Variants in PIK3R1 observed in about 807,000 individuals in gnomAD.
PIK3R1 encodes phosphatidylinositol 3-kinase regulatory subunit alpha.
Under a neutral mutation model 98.0 loss-of-function variants are expected in PIK3R1, and 29 were observed. That is an observed-to-expected ratio of 0.30 (90% CI 0.22 to 0.40). PIK3R1 has a LOEUF of 0.40. Ranked by LOEUF, PIK3R1 falls within the 10% of genes least tolerant of loss-of-function variation. The probability of loss-of-function intolerance (pLI) is 1.00; values close to 1 mark genes in which losing one functional copy is unlikely to be tolerated. For synonymous variants in PIK3R1, 282 were observed against 311.8 expected (o/e 0.90, Z 1.01); for missense variants, 596 against 872.7 (o/e 0.68, Z 3.99).
chr5:68,225,047 G>A (rs1744224332), intron 1 of PIK3R1, among the ~76,000 whole-genome samples: 1 of 152,208 alleles, frequency 6.6e-6, no homozygotes, highest in African/African-American at 2.4e-5. Flanking sequence ...ATTCCATCAT[G>A]GGCGAAGCCC....
intron 1 of PIK3R1, among the ~76,000 whole-genome samples, chr5:68,224,004 A>G (rs983654293): frequency 2.0e-5 from 3 of 152,214 alleles, no homozygotes; most frequent in African/African-American, 7.2e-5. Flanking sequence ...AGGAAGTGTT[A>G]GGAAGCAGCT....
At chr5:68,234,152 A>G (rs1281381842) in intron 2 of PIK3R1, among the ~76,000 whole-genome samples, 1 of 152,246 alleles carries the variant, frequency 6.6e-6, no homozygotes, top group African/African-American at 2.4e-5. Context: ...TTTGCTTTCT[A>G]TAAATTCCTT....
intron 6 of PIK3R1, 85 bp downstream of exon 6, chr5:68,280,814 C>A: frequency 7.7e-7 from 1 of 1,295,838 alleles, no homozygotes; most frequent in Non-Finnish European, 1.1e-6. Flanking sequence ...TCTGAATATA[C>A]TACTCCAGAG....
intron 7 of PIK3R1, 194 bp from the exon 8 acceptor site, chr5:68,292,065 C>T (rs913674251): frequency 2.4e-6 from 1 of 418,784 alleles, no homozygotes; most frequent in Non-Finnish European, 4.3e-6. Context: ...TTTTCAGTTT[C>T]ATTTCTTTTT....
chr5:68,280,538 C>A lies in PIK3R1; in HGVS notation c.645C>A (p.Ser215Arg), dbSNP rs2112194518. Residue 215 changes from serine (S) to arginine (R), a missense_variant, in exon 6 of 16, where the codon AGC (serine) becomes AGA (arginine). Physicochemically the swap from Ser to Arg is moderately radical, Grantham distance 110. Around this residue, in one of 3 missense-constraint regions of PIK3R1, gnomAD observed 352 missense variants for 393.3 expected, o/e 0.90. Coordinates refer to ENST00000521381, the MANE Select transcript of PIK3R1 (RefSeq NM_181523.3). ...TTTTTAAACTTGTAGAAGTACAAAG[C>A]TCCGAAGAATATATTCAGCTATTGA... ...EMISLAPEVQ[S>R]SEEYIQLLKK... is the part of the protein sequence containing the mutation. 1 of 1,601,850 alleles carries A rather than the reference C, an allele frequency of 6.2e-7. No individual in the cohort carries two copies. Among genetic ancestry groups the A allele is most frequent in the Non-Finnish European group, 8.5e-7 (1 of 1,170,418 alleles).
At chr5:68,230,715 G>A (rs1481351293) in intron 2 of PIK3R1, among the ~76,000 whole-genome samples, 1 of 152,210 alleles carries the variant, frequency 6.6e-6, no homozygotes, top group Non-Finnish European at 1.5e-5. Context: ...GTCATGGTCA[G>A]CGAATATCCT....
chr5:68,274,958 A>G (rs1457036875), intron 4 of PIK3R1, among the ~76,000 whole-genome samples: 8 of 152,234 alleles, frequency 5.3e-5, no homozygotes, highest in Non-Finnish European at 1.0e-4. Flanking sequence ...TCAGAGGTAT[A>G]ATTGTACAAA....
chr5:68,260,372 G>A (rs1037907607), intron 2 of PIK3R1, among the ~76,000 whole-genome samples: 7 of 129,350 alleles, frequency 5.4e-5, no homozygotes, highest in Non-Finnish European at 1.0e-4. Flanking sequence ...AGCTAATTTT[G>A]CTTGGACTCT....
At chr5:68,241,982 A>G (rs1170393222) in intron 2 of PIK3R1, among the ~76,000 whole-genome samples, 2 of 152,256 alleles carry the variant, frequency 1.3e-5, no homozygotes, top group African/African-American at 4.8e-5. Context: ...CATGTATCAA[A>G]TCAGAGACTT....
At chr5:68,273,763 C>G in intron 3 of PIK3R1, 176 bp from the exon 4 acceptor site, 1 of 646,002 alleles carries the variant, frequency 1.5e-6, no homozygotes. Flanking sequence ...GATGGTTTTG[C>G]CAAAATTATC....
In PIK3R1 at chr5:68,273,991, A is replaced by G. The variant is rs749608194; in HGVS notation, c.480A>G (p.Glu160=). ...CACAGAGCTCCAGCAACCTGGCAGA[A>G]TTACGACAGCTTCTTGATTGTGGTG... ...YRTQSSSNLA[E]LRQLLDCDTP... is the part of the protein sequence containing the mutation. Residue 160 remains glutamate, a synonymous_variant, in exon 4 of 16, where the codon GAA becomes GAG. Transcript: ENST00000521381. 2.5e-6 allele frequency: 4 copies of G among 1,613,962 alleles called. No homozygotes were observed. Among genetic ancestry groups the G allele is most frequent in the Non-Finnish European group, 2.5e-6 (3 of 1,179,812 alleles).
At chr5:68,228,212 AC>A (rs1744353017) in intron 2 of PIK3R1, among the ~76,000 whole-genome samples, 1 of 152,188 alleles carries the variant, frequency 6.6e-6, no homozygotes, top group Non-Finnish European at 1.5e-5. Flanking sequence ...AAGCTATTAT[AC>A]CTTCTTTAAT....
Position 68,263,137 on chromosome 5 carries a change from AT to A in PIK3R1, c.335-10252del, listed in dbSNP as rs1745959454. The stretch of plus-strand genomic sequence containing the variant: ...CATAGATATATAGATACATAGATAC[AT>A]ATATATTTATATATGTACATATATC... On this transcript the variant is annotated intron_variant, in intron 2 of 15. Coordinates refer to ENST00000521381, the MANE Select transcript of PIK3R1 (RefSeq NM_181523.3). Among the ~76,000 whole-genome samples, 2 of 18,580 alleles carry A rather than the reference AT, an allele frequency of 1.1e-4. 1 individual carries two copies. Among genetic ancestry groups the A allele is most frequent in the Non-Finnish European group, 2.2e-4 (2 of 9,018 alleles). The allele number at this position is 18,580 out of a possible 152,430, so 12.2% of individuals were successfully genotyped here. A position where few individuals can be genotyped will look rare whatever the true frequency, so the allele number is the denominator to read the frequency against.
chr5:68,262,470 A>T (rs1020984135), intron 2 of PIK3R1, among the ~76,000 whole-genome samples: 4 of 146,396 alleles, frequency 2.7e-5, no homozygotes, highest in Non-Finnish European at 6.0e-5. Context: ...ATATCTATAT[A>T]TGTACATATA....
In PIK3R1 at chr5:68,280,654, C is replaced by T. The variant is rs768144572; in HGVS notation, c.761C>T (p.Ser254Phe). ...LKHFFKLSQT[S>F]SKNLLNARVL... is the part of the protein sequence containing the mutation. ...CATTTCTTCAAGCTCTCTCAAACCT[C>T]CAGCAAAAATCTGTTGAATGCAAGA... The change falls in exon 6 of 16, where the codon TCC becomes TTC. Residue 254 changes from serine (S) to phenylalanine (F), a missense_variant. By Grantham distance (155) the Ser-to-Phe change is radical (BLOSUM62 -2). Coordinates refer to ENST00000521381, the MANE Select transcript of PIK3R1 (RefSeq NM_181523.3). The T allele has an allele frequency of 6.2e-7, 1 of 1,614,122 alleles. No individual in the cohort carries two copies. The highest frequency in any genetic ancestry group is 8.5e-7 in the Non-Finnish European group (1 of 1,180,010).
At chr5:68,219,097 A>G (rs767385724) in intron 1 of PIK3R1, among the ~76,000 whole-genome samples, 5 of 152,148 alleles carry the variant, frequency 3.3e-5, no homozygotes, top group Non-Finnish European at 5.9e-5. Context: ...AAAATAGACT[A>G]TATAGTTACT....
In PIK3R1 at chr5:68,297,473, G is replaced by A. The variant is rs2112291153; in HGVS notation, c.2047G>A (p.Glu683Lys). ...AACAGCAACTGGCTATGGCTTTGCCGAGCCCTATAACTTGTACAGCTCTCT... is the reference window on the plus strand; with the variant it reads ...AACAGCAACTGGCTATGGCTTTGCCAAGCCCTATAACTTGTACAGCTCTCT... Reference protein sequence around the residue: ...NKTATGYGFAEPYNLYSSLKE... With the variant: ...NKTATGYGFAKPYNLYSSLKE... Residue 683 changes from glutamate to lysine, a missense_variant, in exon 16 of 16, where the codon GAG (glutamate) becomes AAG (lysine). This residue lies in a region of PIK3R1 where 207 missense variants were observed against 361.4 expected (regional missense o/e 0.57). Transcript: ENST00000521381. 1.9e-6 allele frequency: 3 copies of A among 1,614,108 alleles called. No homozygotes were observed. The highest frequency in any genetic ancestry group is 2.5e-6 in the Non-Finnish European group (3 of 1,179,964).
chr5:68,293,082 T>C lies in PIK3R1; in HGVS notation c.1020-19T>C, dbSNP rs373504515. 433 of 1,584,254 alleles carry C rather than the reference T, an allele frequency of 2.7e-4. No homozygotes were observed. The highest frequency in any genetic ancestry group is 3.7e-4 in the Non-Finnish European group (421 of 1,153,344). On this transcript the variant is annotated intron_variant, in intron 8 of 15. Transcript: ENST00000521381. ...TCACTAAACCTTAAGATGAGCATTG[T>C]TTTGTGTTTTCATTTCAGGGAAGAA...
rs531509918 is a variant in PIK3R1 at position 68,293,916 on chromosome 5, T to A, written c.1425+82T>A. 4.3e-6 allele frequency: 5 copies of A among 1,165,536 alleles called. No homozygotes were observed. In the South Asian group the frequency reaches 7.2e-5, roughly 17 times the overall value. The allele number at this position is 1,165,536 out of a possible 1,614,324, so 72.2% of individuals were successfully genotyped here. On this transcript the variant is annotated intron_variant, in intron 11 of 15. Coordinates refer to ENST00000521381, the MANE Select transcript of PIK3R1 (RefSeq NM_181523.3). ...AACATGGAAAAAAGAATTTAAAAGG[T>A]TGAGTTTTTACGAATGAGGTGGGGG...
Sources: gnomAD v4.1 joint callset for allele counts (sites outside exome capture counted in the v4.1 genomes callset) on GRCh38, gnomAD v4.1.1 for gene constraint, gnomAD v4.1.1 regional missense constraint, MANE v1.5 for transcripts, NCBI Gene and HGNC (gene_info 2026-07-23, HGNC 2026-07-21) for gene names.